Variants in NRXN3 observed in about 807,000 individuals in gnomAD.
NRXN3 encodes neurexin III.
A neutral mutation model predicts 137.6 loss-of-function variants in NRXN3; 32 were observed. The observed-to-expected ratio is 0.23, with a 90% CI of 0.18 to 0.31. The LOEUF (loss-of-function observed/expected upper bound fraction) is 0.31. Among genes scored for constraint, NRXN3 ranks in the 10% least tolerant of loss-of-function variants. NRXN3 has a pLI of 1.00. For missense variants in NRXN3, 1,574 were observed against 2,062.5 expected (o/e 0.76, Z 4.59); for synonymous variants, 798 against 784.5 (o/e 1.02, Z -0.29).
intron 16 of NRXN3, among the ~76,000 whole-genome samples, chr14:79,548,010 T>A (rs904740662): frequency 2.6e-5 from 4 of 151,912 alleles, no homozygotes; most frequent in African/African-American, 7.3e-5. Flanking sequence ...ATTGAAGTAG[T>A]GTGTTATTTC....
At chr14:79,598,347 T>G (rs2097883878) in intron 16 of NRXN3, among the ~76,000 whole-genome samples, 1 of 152,194 alleles carries the variant, frequency 6.6e-6, no homozygotes, top group Non-Finnish European at 1.5e-5. Context: ...TCTCATTTCC[T>G]GTCCAAGGCA....
intron 15 of NRXN3, among the ~76,000 whole-genome samples, chr14:79,043,335 C>G (rs2099628067): frequency 6.6e-6 from 1 of 152,140 alleles, no homozygotes; most frequent in Non-Finnish European, 1.5e-5. Context: ...GATTTGAGAA[C>G]AAAGCAACCC....
chr14:78,424,864 G>T (rs891260993), intron 4 of NRXN3, among the ~76,000 whole-genome samples: 2 of 152,208 alleles, frequency 1.3e-5, no homozygotes, highest in Non-Finnish European at 2.9e-5. Flanking sequence ...ATTGCCCAAA[G>T]TTTCTAAAAT....
chr14:79,144,246 T>C (rs1224064008), intron 15 of NRXN3, among the ~76,000 whole-genome samples: 1 of 152,196 alleles, frequency 6.6e-6, no homozygotes, highest in Non-Finnish European at 1.5e-5. Context: ...CCATGCCCAT[T>C]GTACAATGGC....
intron 15 of NRXN3, among the ~76,000 whole-genome samples, chr14:79,415,206 A>T (rs1476927615): frequency 6.6e-6 from 1 of 152,146 alleles, no homozygotes; most frequent in Non-Finnish European, 1.5e-5. Context: ...GAGTGCAGAT[A>T]TCTATTCAAG....
chr14:78,869,372 C>T (rs917059369), intron 10 of NRXN3, among the ~76,000 whole-genome samples: 1 of 152,126 alleles, frequency 6.6e-6, no homozygotes, highest in Non-Finnish European at 1.5e-5. Context: ...ACTCTCAAAA[C>T]CATCATCCAG....
chr14:78,250,692 T>A (rs1241259341), intron 2 of NRXN3, among the ~76,000 whole-genome samples: 1 of 152,136 alleles, frequency 6.6e-6, no homozygotes, highest in Non-Finnish European at 1.5e-5. Context: ...ACCCTGAACG[T>A]GTCATGGGTG....
intron 6 of NRXN3, among the ~76,000 whole-genome samples, chr14:78,660,259 A>G (rs113140006): frequency 6.7e-6 from 1 of 149,508 alleles, no homozygotes; most frequent in Non-Finnish European, 1.5e-5. Context: ...AGATTTATAT[A>G]TATATATATA....
rs1389096859 is a variant in NRXN3 at position 79,627,070 on chromosome 14, C to A, written c.3445-36708C>A. Among the ~76,000 whole-genome samples, 3 of 152,102 alleles carry A rather than the reference C, an allele frequency of 2.0e-5. No individual in the cohort carries two copies. The East Asian group carries it at 5.8e-4, about 29-fold the overall frequency. On this transcript the variant is annotated intron_variant, in intron 16 of 20. Coordinates refer to ENST00000335750, the MANE Select transcript of NRXN3 (RefSeq NM_001330195.2). ...AAAAGACATATGAGTTAGTTAAAAG[C>A]ACCTCTCCCTTGGTAACTCTAAGTG...
At chr14:78,245,333 C>A (rs1316784674) in intron 2 of NRXN3, among the ~76,000 whole-genome samples, 1 of 152,158 alleles carries the variant, frequency 6.6e-6, no homozygotes, top group Admixed American at 6.5e-5. Flanking sequence ...GGGATCCAAG[C>A]ATTTGTATGT....
chr14:78,574,155 T>A (rs1256066514), intron 4 of NRXN3, among the ~76,000 whole-genome samples: 1 of 152,210 alleles, frequency 6.6e-6, no homozygotes, highest in Non-Finnish European at 1.5e-5. Context: ...CCACCTAGAT[T>A]TTAGCAGATG....
intron 17 of NRXN3, among the ~76,000 whole-genome samples, chr14:79,666,537 G>T (rs1227846491): frequency 2.6e-5 from 4 of 151,960 alleles, no homozygotes; most frequent in Non-Finnish European, 5.9e-5. Context: ...ACCCAAGGAG[G>T]TGCTATGCCC....
chr14:78,606,066 A>T (rs1374521599), intron 4 of NRXN3, among the ~76,000 whole-genome samples: 1 of 152,148 alleles, frequency 6.6e-6, no homozygotes, highest in Non-Finnish European at 1.5e-5. Flanking sequence ...AGAGAGAGGA[A>T]AAAAAGATCA....
At chr14:79,021,824 A>G (rs1295660096) in intron 15 of NRXN3, among the ~76,000 whole-genome samples, 12 of 152,244 alleles carry the variant, frequency 7.9e-5, no homozygotes, top group Non-Finnish European at 1.8e-4. Flanking sequence ...TCTATGGCAT[A>G]CAATGAGTGA....
At chr14:78,922,505 C>T (rs955652104) in intron 10 of NRXN3, among the ~76,000 whole-genome samples, 21 of 152,130 alleles carry the variant, frequency 1.4e-4, no homozygotes, top group African/African-American at 4.3e-4. Context: ...TATGGGCCTT[C>T]GTCCAATTTA....
At chr14:79,398,525 G>T (rs1212932665) in intron 15 of NRXN3, among the ~76,000 whole-genome samples, 3 of 151,400 alleles carry the variant, frequency 2.0e-5, no homozygotes, top group Admixed American at 6.6e-5. Flanking sequence ...TTACCAATGA[G>T]ACACTAGTAA....
At chr14:79,605,700 G>A (rs762812859) in intron 16 of NRXN3, among the ~76,000 whole-genome samples, 13 of 152,040 alleles carry the variant, frequency 8.6e-5, no homozygotes, top group Non-Finnish European at 1.5e-4. Context: ...ATGTTGGCCC[G>A]GCTGCTCTTG....
intron 19 of NRXN3, among the ~76,000 whole-genome samples, chr14:79,707,488 T>G (rs541268802): frequency 7.1e-6 from 1 of 141,268 alleles, no homozygotes; most frequent in East Asian, 2.0e-4. Context: ...GGGTCCTTTG[T>G]GGAGCTATGT....
chr14:78,662,133 A>G (rs61976148), intron 6 of NRXN3, among the ~76,000 whole-genome samples: 8,301 of 152,098 alleles, frequency 0.055, 271 homozygotes, highest in Middle Eastern at 0.14. Flanking sequence ...CGGCCTCCCA[A>G]AGTGCTGGGA....
Sources: gnomAD v4.1 joint callset for allele counts (sites outside exome capture counted in the v4.1 genomes callset) on GRCh38, gnomAD v4.1.1 for gene constraint, MANE v1.5 for transcripts, NCBI Gene and HGNC (gene_info 2026-07-23, HGNC 2026-07-21) for gene names.